The following CTDP1 variants were observed in gnomAD, a reference collection of about 807,000 sequenced individuals.
CTDP1 encodes RNA polymerase II subunit A C-terminal domain phosphatase.
A neutral mutation model predicts 91.8 loss-of-function variants in CTDP1; 47 were observed. That is an observed-to-expected ratio of 0.51 (90% CI 0.41 to 0.65). CTDP1 has a LOEUF of 0.65. Ranked by LOEUF, CTDP1 falls within the 30% of genes least tolerant of loss-of-function variation. The probability of loss-of-function intolerance (pLI) is 0.00; values close to 1 mark genes in which losing one functional copy is unlikely to be tolerated. For missense variants in CTDP1, 1,272 were observed against 1,373.7 expected (o/e 0.93, Z 1.17); for synonymous variants, 656 against 598.5 (o/e 1.10, Z -1.40).
Position 79,736,454 on chromosome 18 carries a change from C to T in CTDP1, c.2680C>T (p.Arg894Cys), listed in dbSNP as rs765710015. ...EEPQPRKPGT[R>C]RERTLGAPAS... is the part of the protein sequence containing the mutation. ...GCCCCAGCCCCGGAAGCCAGGGACC[C>T]GCAGGGAGCGGACGCTCGGGGCACC... Residue 894 changes from arginine to cysteine, a missense_variant, in exon 12 of 13, where the codon CGC becomes TGC. By Grantham distance (180) the Arg-to-Cys change is radical. Around this residue, in one of 3 missense-constraint regions of CTDP1, gnomAD observed 881 missense variants for 911.6 expected, o/e 0.97. Coordinates refer to ENST00000613122, the MANE Select transcript of CTDP1 (RefSeq NM_004715.5). 1.0e-5 allele frequency: 16 copies of T among 1,549,034 alleles called. No homozygotes were observed. Among genetic ancestry groups the T allele is most frequent in the Admixed American group, 2.0e-5 (1 of 50,986 alleles).
chr18:79,680,365 T>A, intron 1 of CTDP1, 104 bp downstream of exon 1: 1 of 938,956 alleles, frequency 1.1e-6, no homozygotes, highest in Non-Finnish European at 1.4e-6. Context: ...GCGCCCCTGG[T>A]GAGGGAGCGA....
intron 5 of CTDP1, among the ~76,000 whole-genome samples, chr18:79,706,724 C>A (rs955908677): frequency 2.0e-5 from 3 of 152,226 alleles, no homozygotes; most frequent in Admixed American, 2.0e-4. Context: ...GGACTGGATC[C>A]TCTGGGTGAG....
At chr18:79,685,913 G>T (rs1162995196) in intron 1 of CTDP1, among the ~76,000 whole-genome samples, 2 of 152,126 alleles carry the variant, frequency 1.3e-5, no homozygotes, top group Non-Finnish European at 2.9e-5. Context: ...ATTCTTCCCT[G>T]TTGACGCCTG....
chr18:79,700,789 A>G (rs1266326787), intron 4 of CTDP1, among the ~76,000 whole-genome samples: 1 of 152,216 alleles, frequency 6.6e-6, no homozygotes, highest in Non-Finnish European at 1.5e-5. Flanking sequence ...TCATAGCTGG[A>G]GAGGAGAAGT....
intron 4 of CTDP1, among the ~76,000 whole-genome samples, chr18:79,704,336 G>A (rs573798201): frequency 1.6e-4 from 24 of 151,608 alleles, no homozygotes; most frequent in African/African-American, 4.4e-4. Flanking sequence ...GGGTGCAAAC[G>A]CATCCTCTGT....
chr18:79,698,064 C>CT, intron 4 of CTDP1, 76 bp downstream of exon 4: 1 of 1,583,092 alleles, frequency 6.3e-7, no homozygotes, highest in Non-Finnish European at 8.6e-7. Flanking sequence ...AGTGTGTTCT[C>CT]TTGTTTTTTA....
rs113429305 is a variant in CTDP1 at position 79,736,133 on chromosome 18, G to A, written c.2581-222G>A. 5.2e-3 allele frequency: 3,184 copies of A among 610,858 alleles called. 73 individuals carry two copies. Among genetic ancestry groups the A allele is most frequent in the African/African-American group, 0.048 (2,622 of 54,106 alleles). 37.8% of individuals were successfully genotyped at this position (610,858 alleles called of 1,614,324 possible). A position where few individuals can be genotyped will look rare whatever the true frequency, so the allele number is the denominator to read the frequency against. On this transcript the variant is annotated intron_variant, in intron 11 of 12. Transcript: ENST00000613122. ...GAATTTAAACCCAATCTTTGCCTGCGAACCGACTGGGTTTGCTCTGTGGAT... is the reference window on the plus strand; with the variant it reads ...GAATTTAAACCCAATCTTTGCCTGCAAACCGACTGGGTTTGCTCTGTGGAT...
At chr18:79,693,170 C>T (rs2085659179) in intron 1 of CTDP1, among the ~76,000 whole-genome samples, 2 of 152,086 alleles carry the variant, frequency 1.3e-5, no homozygotes, top group Non-Finnish European at 2.9e-5. Context: ...GTCCCTGAGG[C>T]CTGTGAAGCC....
At chr18:79,679,241 A>C (rs552380300), upstream of CTDP1, 71 of 364,598 alleles carry the variant, frequency 1.9e-4, no homozygotes, top group Non-Finnish European at 3.2e-4. Context: ...GTGAGGTCGG[A>C]GGAAGAGAAG....
intron 10 of CTDP1, among the ~76,000 whole-genome samples, chr18:79,728,107 AT>A (rs557046639): frequency 1.1e-4 from 17 of 149,872 alleles, no homozygotes; most frequent in Non-Finnish European, 1.9e-4. Flanking sequence ...TTTTTCGTGA[AT>A]TTTTTTTTTA....
At chr18:79,711,209 C>G (rs1212799610) in intron 6 of CTDP1, among the ~76,000 whole-genome samples, 1 of 152,280 alleles carries the variant, frequency 6.6e-6, no homozygotes, top group Middle Eastern at 3.4e-3. Flanking sequence ...GATGTCAGCC[C>G]GCCACCTGAC....
At chr18:79,736,607 A>G in intron 12 of CTDP1, 86 bp downstream of exon 12, 1 of 1,297,066 alleles carries the variant, frequency 7.7e-7, no homozygotes, top group South Asian at 1.5e-5. Context: ...CCTGCATCTC[A>G]TTCTTCACGC....
chr18:79,748,979 C>T (rs1427777697), intron 12 of CTDP1, among the ~76,000 whole-genome samples: 2 of 152,204 alleles, frequency 1.3e-5, no homozygotes, highest in African/African-American at 4.8e-5. Context: ...CTGAGGTGGT[C>T]CCTTCCGTGG....
intron 4 of CTDP1, among the ~76,000 whole-genome samples, chr18:79,704,366 C>A (rs1249691810): frequency 6.6e-6 from 1 of 150,624 alleles, no homozygotes; most frequent in Non-Finnish European, 1.5e-5. Flanking sequence ...AGTGGTGTGT[C>A]CACACGCATG....
At chr18:79,715,597 T>G (rs2086190991) in intron 8 of CTDP1, 69 bp downstream of exon 8, 8 of 1,409,962 alleles carry the variant, frequency 5.7e-6, no homozygotes, top group Non-Finnish European at 7.7e-6. Context: ...CTCCTTAGAG[T>G]TGGCATTGCT....
At chr18:79,680,985 G>C (rs1375142405) in intron 1 of CTDP1, 1 of 152,314 alleles carries the variant, frequency 6.6e-6, no homozygotes, top group African/African-American at 2.4e-5. Context: ...TGGTAGTTTT[G>C]ATTGTGAGAA....
intron 7 of CTDP1, 51 bp from the exon 8 acceptor site, chr18:79,714,440 T>G (rs1291496239): frequency 1.3e-6 from 2 of 1,592,218 alleles, no homozygotes; most frequent in East Asian, 2.2e-5. Context: ...GAACGTTATT[T>G]AATGTTTAAT....
Position 79,736,419 on chromosome 18 carries a change from A to C in CTDP1, c.2645A>C (p.Gln882Pro), listed in dbSNP as rs1012061746. ...AGCGAGAAGAGGAGGCCTGAGGAGC[A>C]GGAGGAGGAGCCCCAGCCCCGGAAG... Reference protein sequence around the residue: ...SDSEKRRPEEQEEEPQPRKPG... With the variant: ...SDSEKRRPEEPEEEPQPRKPG... Residue 882 changes from glutamine (Q) to proline (P), a missense_variant, in exon 12 of 13, where the codon CAG becomes CCG. This residue lies in a region of CTDP1 where 881 missense variants were observed against 911.6 expected (regional missense o/e 0.97). Coordinates refer to ENST00000613122, the MANE Select transcript of CTDP1 (RefSeq NM_004715.5). 1 of 1,549,324 alleles carries C rather than the reference A, an allele frequency of 6.5e-7. No individual in the cohort carries two copies. The highest frequency in any genetic ancestry group is 8.7e-7 in the Non-Finnish European group (1 of 1,146,974).
At chr18:79,748,126 A>G (rs890170486) in intron 12 of CTDP1, among the ~76,000 whole-genome samples, 4 of 152,188 alleles carry the variant, frequency 2.6e-5, no homozygotes, top group Admixed American at 6.5e-5. Context: ...CAAATATTGC[A>G]TGTTATGCTG....
Sources: allele counts gnomAD v4.1 joint callset (sites outside exome capture counted in the v4.1 genomes callset), GRCh38; gene constraint gnomAD v4.1.1; regional missense constraint gnomAD v4.1.1; transcripts MANE v1.5; gene names NCBI Gene and HGNC (gene_info 2026-07-23, HGNC 2026-07-21).